DYM: variants seen among roughly 807,000 people sequenced by gnomAD.
The protein encoded by DYM is dyggve-Melchior-Clausen syndrome protein.
DYM carries 78 observed loss-of-function variants against 93.1 expected under a neutral mutation model. The ratio of observed to expected loss-of-function variants is 0.84; its 90% CI spans 0.70 to 1.01. The LOEUF (loss-of-function observed/expected upper bound fraction) is 1.01. Among genes scored for constraint, DYM ranks in the 50% least tolerant of loss-of-function variants. The pLI is 0.00. For missense variants in DYM, 789 were observed against 845.0 expected (o/e 0.93, Z 0.82); for synonymous variants, 321 against 319.7 (o/e 1.00, Z -0.04).
At chr18:49,211,632 C>A (rs574247845) in intron 13 of DYM, among the ~76,000 whole-genome samples, 97 of 152,298 alleles carry the variant, frequency 6.4e-4, no homozygotes, top group African/African-American at 2.3e-3. Flanking sequence ...AACAACCAAT[C>A]AGTCAAGCAG....
chr18:49,114,073 G>A (rs2081690328), intron 16 of DYM, among the ~76,000 whole-genome samples: 1 of 152,126 alleles, frequency 6.6e-6, no homozygotes, highest in African/African-American at 2.4e-5. Flanking sequence ...TGGCGAAAGG[G>A]CCAATGACAT....
intron 10 of DYM, among the ~76,000 whole-genome samples, chr18:49,277,281 A>C (rs749487218): frequency 3.3e-5 from 5 of 152,188 alleles, no homozygotes; most frequent in Non-Finnish European, 5.9e-5. Context: ...ATGGCAACTG[A>C]ATTTGCTTAG....
At chr18:49,247,974 A>T (rs2094206633) in intron 13 of DYM, among the ~76,000 whole-genome samples, 1 of 152,216 alleles carries the variant, frequency 6.6e-6, no homozygotes, top group East Asian at 1.9e-4. Flanking sequence ...CAAGACAAAC[A>T]TTCCTCCTTC....
At chr18:49,264,648 T>C (rs549127585) in intron 11 of DYM, among the ~76,000 whole-genome samples, 1 of 152,316 alleles carries the variant, frequency 6.6e-6, no homozygotes, top group East Asian at 1.9e-4. Flanking sequence ...TTCTATTACT[T>C]TGCCCATTTT....
At chr18:49,362,234 A>T (rs757943779) in intron 6 of DYM, among the ~76,000 whole-genome samples, 64 of 152,220 alleles carry the variant, frequency 4.2e-4, no homozygotes, top group Admixed American at 1.6e-3. Context: ...ACGGTGGCTC[A>T]CACCTGTAAT....
At chr18:49,218,411 G>C in intron 13 of DYM, among the ~76,000 whole-genome samples, 1 of 152,172 alleles carries the variant, frequency 6.6e-6, no homozygotes, top group East Asian at 1.9e-4. Flanking sequence ...GGACCTAATA[G>C]ACATCTACAG....
intron 13 of DYM, among the ~76,000 whole-genome samples, chr18:49,215,133 C>G (rs1031797730): frequency 6.6e-6 from 1 of 152,172 alleles, no homozygotes; most frequent in Non-Finnish European, 1.5e-5. Flanking sequence ...TAACTTCTAC[C>G]CAGTAATGAA....
At chr18:49,219,751 G>T (rs1202613082) in intron 13 of DYM, among the ~76,000 whole-genome samples, 1 of 147,462 alleles carries the variant, frequency 6.8e-6, no homozygotes, top group Non-Finnish European at 1.5e-5. Context: ...TTGATGGGAC[G>T]TATCTCAAAA....
At chr18:49,349,250 A>C (rs996879184) in intron 6 of DYM, among the ~76,000 whole-genome samples, 3 of 152,158 alleles carry the variant, frequency 2.0e-5, no homozygotes, top group Non-Finnish European at 4.4e-5. Flanking sequence ...AAATATTAAA[A>C]ACTGAACTTT....
At chr18:49,366,841 T>G (rs375214975) in intron 5 of DYM, among the ~76,000 whole-genome samples, 4 of 152,310 alleles carry the variant, frequency 2.6e-5, no homozygotes, top group African/African-American at 9.6e-5. Flanking sequence ...TCTTGATGAA[T>G]AGTTAATGAT....
intron 5 of DYM, among the ~76,000 whole-genome samples, chr18:49,364,833 G>C (rs2066371475): frequency 6.6e-6 from 1 of 152,018 alleles, no homozygotes; most frequent in African/African-American, 2.4e-5. Context: ...TAAAAACCTA[G>C]TTTTTAAAAA....
intron 15 of DYM, among the ~76,000 whole-genome samples, chr18:49,152,383 A>C (rs2085918080): frequency 6.6e-6 from 1 of 152,162 alleles, no homozygotes; most frequent in African/African-American, 2.4e-5. Flanking sequence ...ACATTTTTGG[A>C]ACTCTCAGGT....
intron 6 of DYM, among the ~76,000 whole-genome samples, chr18:49,356,792 C>T (rs1002276492): frequency 3.9e-5 from 6 of 152,096 alleles, no homozygotes; most frequent in South Asian, 2.1e-4. Context: ...TACTATTAGT[C>T]TATGGATCCA....
intron 1 of DYM, among the ~76,000 whole-genome samples, chr18:49,435,433 A>T (rs555043476): frequency 6.6e-6 from 1 of 151,648 alleles, no homozygotes; most frequent in Non-Finnish European, 1.5e-5. Flanking sequence ...TAAAAAAAAA[A>T]AAAAAAAAAG....
chr18:49,304,427 T>C lies in DYM; in HGVS notation c.764-17811A>G, dbSNP rs143710225. ...CCCTGTTCATTGCCCACAGCTCTCTTCATCCCAGCCCTTCCACTGAGCCTT... is the reference window on the plus strand; with the variant it reads ...CCCTGTTCATTGCCCACAGCTCTCTCCATCCCAGCCCTTCCACTGAGCCTT... On this transcript the variant is annotated intron_variant, in intron 8 of 17. Transcript: ENST00000675505. 1.6e-3 allele frequency among the ~76,000 whole-genome samples: 250 copies of C among 152,298 alleles called. 1 individual carries two copies. The highest frequency in any genetic ancestry group is 6.8e-3 in the Middle Eastern group (2 of 294).
At chr18:49,335,314 C>T (rs1339864031) in intron 6 of DYM, among the ~76,000 whole-genome samples, 1 of 151,514 alleles carries the variant, frequency 6.6e-6, no homozygotes, top group Non-Finnish European at 1.5e-5. Context: ...CTGTAAAAAG[C>T]AATTCTTGGG....
rs775696326 is a variant in DYM, at chr18:49,333,814, T to A, written c.534A>T (p.Thr178=). The change falls in exon 7 of 18, where the codon ACA becomes ACT. Residue 178 remains threonine, a synonymous_variant. Coordinates refer to ENST00000675505, the MANE Select transcript of DYM (RefSeq NM_001353214.3). ...TYEISVEAIS[T]MVVFLSCQLF... is the part of the protein sequence containing the mutation. ...GTTGGCAGGAAAGGAAAACAACCATTGTTGATATAGCTTCTACTGATATTT... is the reference window on the plus strand; with the variant it reads ...GTTGGCAGGAAAGGAAAACAACCATAGTTGATATAGCTTCTACTGATATTT... 1 of 1,613,008 alleles carries A rather than the reference T, an allele frequency of 6.2e-7. No individual in the cohort carries two copies. The highest frequency in any genetic ancestry group is 8.5e-7 in the Non-Finnish European group (1 of 1,179,098).
Position 49,057,973 on chromosome 18 carries a change from C to T in DYM, c.2026-13769G>A, listed in dbSNP as rs77021843. On this transcript the variant is annotated intron_variant, in intron 17 of 17. Coordinates refer to ENST00000675505, the MANE Select transcript of DYM (RefSeq NM_001353214.3). ...GACTGACTGTGATGTTGAGGTGGTG[C>T]AGGCAGGGCTGAGAGGCCCAGTGAG... Among the ~76,000 whole-genome samples the T allele has an allele frequency of 1.9e-3, 296 of 152,308 alleles. 4 individuals are homozygous for T. Among genetic ancestry groups the T allele is most frequent in the East Asian group, 2.5e-3 (13 of 5,178 alleles).
At chr18:49,224,049 G>A (rs1035885521) in intron 13 of DYM, among the ~76,000 whole-genome samples, 1 of 152,030 alleles carries the variant, frequency 6.6e-6, no homozygotes, top group Non-Finnish European at 1.5e-5. Flanking sequence ...AAGAGTTACT[G>A]CAGGAGAGTA....
Sources: allele counts gnomAD v4.1 joint callset (sites outside exome capture counted in the v4.1 genomes callset), GRCh38; gene constraint gnomAD v4.1.1; transcripts MANE v1.5; gene names NCBI Gene and HGNC (gene_info 2026-07-23, HGNC 2026-07-21).